The following SOD2 variants were observed in gnomAD, a reference collection of about 807,000 sequenced individuals.
SOD2 encodes superoxide dismutase 2, also known as superoxide dismutase [Mn], mitochondrial.
A neutral mutation model predicts 27.0 loss-of-function variants in SOD2; 11 were observed. The observed-to-expected ratio is 0.41, with a 90% confidence interval of 0.26 to 0.67. The LOEUF (loss-of-function observed/expected upper bound fraction) is 0.67. Among genes scored for constraint, SOD2 ranks in the 30% least tolerant of loss-of-function variants. The pLI, the probability that SOD2 is intolerant of heterozygous loss-of-function variation, is 0.34. For synonymous variants in SOD2, 105 were observed against 103.0 expected, an observed-to-expected ratio of 1.02 and a Z score of -0.12; for missense variants, 250 against 274.5, an observed-to-expected ratio of 0.91 and a Z score of 0.63.
At position 159,692,806 on chromosome 6, in the gene SOD2, G is replaced by A. The variant is rs200407278; in HGVS notation, c.81C>T (p.Ser27=). Residue 27 remains serine, a synonymous_variant, in exon 2 of 5, where the codon AGC becomes AGT. Coordinates refer to ENST00000538183, the MANE Select transcript of SOD2 (RefSeq NM_000636.4). ...CGTAGTCGTAGGGCAGGTCGGGGAG[G>A]CTGTGCTTCTGCCTGGAGCCCAGAT... is the stretch of plus-strand genomic sequence containing the variant. ...LGYLGSRQKH[S]LPDLPYDYGA... 3.5e-5 allele frequency: 56 copies of A among 1,613,948 alleles called. No homozygotes were observed. In the South Asian group the frequency reaches 5.7e-4, roughly 16 times the overall value.
At chr6:159,739,824 C>CTTTTTTTTTTTTTTTTTTTT (rs56389349) in intron 1 of SOD2, among the ~76,000 whole-genome samples, 2 of 85,158 alleles carry the variant, frequency 2.3e-5, no homozygotes, top group Non-Finnish European at 4.4e-5. Flanking sequence ...CACTTTTTAC[C>CTTTTTTTTTTTTTTTTTTTT]TTTTTTTTTT....
In SOD2 at chr6:159,671,304, G is replaced by C. The variant is rs943780383; in HGVS notation, c.*11189C>G. The C allele has an allele frequency of 1.3e-5, 2 of 152,492 alleles. No individual in the cohort carries two copies. The highest frequency in any genetic ancestry group is 4.8e-5 in the African/African-American group (2 of 41,446). 9.4% of individuals were successfully genotyped at this position (152,492 alleles called of 1,614,324 possible). Reference sequence around the variant, plus strand: ...ACGGAGAGACTGCCTCCTCAAGTGAGTCCCTGACCCCCGAGTAGCCTAACT... The same window carrying C: ...ACGGAGAGACTGCCTCCTCAAGTGACTCCCTGACCCCCGAGTAGCCTAACT... On this transcript the variant is annotated 3_prime_UTR_variant, in exon 5 of 5. Coordinates refer to ENST00000538183, the MANE Select transcript of SOD2 (RefSeq NM_000636.4).
In SOD2 at chr6:159,753,508, G is replaced by A. The variant is rs35454664; in HGVS notation, c.-335-4832C>T. 5,806 of 1,614,178 alleles carry A rather than the reference G, an allele frequency of 3.6e-3. 208 individuals are homozygous for A. The African/African-American group carries it at 0.068, about 19-fold the overall frequency. ...CGAAGTGTCGAATGCTTATCCAGGAGAATCAAGAGCTTGGAAGGCAGCTGT... is the reference window on the plus strand; with the variant it reads ...CGAAGTGTCGAATGCTTATCCAGGAAAATCAAGAGCTTGGAAGGCAGCTGT... On this transcript the variant is annotated intron_variant, in intron 1 of 7. Coordinates refer to the SOD2 transcript ENST00000546087.
upstream of SOD2, among the ~76,000 whole-genome samples, chr6:159,731,819 C>T (rs1778588059): frequency 6.6e-6 from 1 of 152,182 alleles, no homozygotes; most frequent in African/African-American, 2.4e-5. Flanking sequence ...GCAAAGTTGA[C>T]AACCTGTTTC....
At chr6:159,716,447 G>C (rs769497398) in intron 1 of SOD2, among the ~76,000 whole-genome samples, 3 of 152,172 alleles carry the variant, frequency 2.0e-5, no homozygotes, top group Non-Finnish European at 2.9e-5. Context: ...GAGACAACAA[G>C]GAAGGGAGGG....
rs1779621832 is a variant in SOD2, at chr6:159,670,046, G to GAA, written c.*12446_*12447insTT. On this transcript the variant is annotated 3_prime_UTR_variant, in exon 5 of 5. Transcript: ENST00000538183. Reference sequence around the variant, plus strand: ...AGACAGGATCTCTTTCACCCAGACTGGAGTGCAGTGTAGACTCACACTGTA... The same window carrying GAA: ...AGACAGGATCTCTTTCACCCAGACTGAAGAGTGCAGTGTAGACTCACACTGTA... 1.3e-5 allele frequency: 2 copies of GAA among 152,230 alleles called. No homozygotes were observed. The highest frequency in any genetic ancestry group is 6.5e-5 in the Admixed American group (1 of 15,282). The allele number at this position is 152,230 out of a possible 1,614,324, so 9.4% of individuals were successfully genotyped here.
chr6:159,701,632 G>T (rs533699675), intron 1 of SOD2, among the ~76,000 whole-genome samples: 1 of 150,004 alleles, frequency 6.7e-6, no homozygotes, highest in African/African-American at 2.5e-5. Context: ...GGAAAAACAA[G>T]CCCATGAAGC....
At chr6:159,689,645 G>C (rs1447494555) in intron 2 of SOD2, among the ~76,000 whole-genome samples, 1 of 152,210 alleles carries the variant, frequency 6.6e-6, no homozygotes, top group Non-Finnish European at 1.5e-5. Flanking sequence ...CTCAACTGCT[G>C]TTCTGAAAGT....
upstream of SOD2, among the ~76,000 whole-genome samples, chr6:159,730,350 C>T (rs890236172): frequency 6.6e-6 from 1 of 151,998 alleles, no homozygotes; most frequent in African/African-American, 2.4e-5. Flanking sequence ...TTTTCTGATA[C>T]GAGAATAGAT....
upstream of SOD2, among the ~76,000 whole-genome samples, chr6:159,729,917 T>G (rs919313936): frequency 6.6e-6 from 1 of 152,334 alleles, no homozygotes; most frequent in Middle Eastern, 3.4e-3. Flanking sequence ...TACTGGGATC[T>G]GGGATGCTAG....
rs1779968285 is a variant in SOD2 at position 159,681,685 on chromosome 6, A to C, written c.*808T>G. 6.6e-6 allele frequency: 1 copy of C among 152,150 alleles called. No homozygotes were observed. Among genetic ancestry groups the C allele is most frequent in the Non-Finnish European group, 1.5e-5 (1 of 68,058 alleles). 9.4% of individuals were successfully genotyped at this position (152,150 alleles called of 1,614,324 possible). A position where few individuals can be genotyped will look rare whatever the true frequency, so the allele number is the denominator to read the frequency against. On this transcript the variant is annotated 3_prime_UTR_variant, in exon 5 of 5. Coordinates refer to ENST00000538183, the MANE Select transcript of SOD2 (RefSeq NM_000636.4). ...TTTGGTATACAGCCATACCACCCTG[A>C]AGGCACCCGATCTCGACTGATTTAC...
At chr6:159,699,441 T>C (rs1777486870) in intron 1 of SOD2, among the ~76,000 whole-genome samples, 1 of 151,998 alleles carries the variant, frequency 6.6e-6, no homozygotes, top group Non-Finnish European at 1.5e-5. Context: ...AAGAGAAGGG[T>C]TGTCCCATAT....
upstream of SOD2, among the ~76,000 whole-genome samples, chr6:159,747,937 G>A (rs935732445): frequency 6.6e-5 from 10 of 152,056 alleles, no homozygotes; most frequent in Non-Finnish European, 1.2e-4. Context: ...CATATTCAAG[G>A]ACTACTACAT....
chr6:159,687,060 G>A (rs1780222631), intron 3 of SOD2, among the ~76,000 whole-genome samples: 1 of 152,194 alleles, frequency 6.6e-6, no homozygotes, highest in Admixed American at 6.5e-5. Context: ...TTAGGAAAGA[G>A]TGAAAAATAG....
intron 1 of SOD2, among the ~76,000 whole-genome samples, chr6:159,738,268 A>G (rs1330110223): frequency 6.6e-6 from 1 of 152,240 alleles, no homozygotes; most frequent in East Asian, 1.9e-4. Context: ...ACCCCTGGCA[A>G]CCACTAATTT....
chr6:159,675,086 G>C lies in SOD2; in HGVS notation c.*7407C>G, dbSNP rs7751229. The C allele has an allele frequency of 1.8e-4, 28 of 151,832 alleles. No homozygotes were observed. The highest frequency in any genetic ancestry group is 2.5e-4 in the Non-Finnish European group (17 of 67,910). 9.4% of individuals were successfully genotyped at this position (151,832 alleles called of 1,614,324 possible). A position where few individuals can be genotyped will look rare whatever the true frequency, so the allele number is the denominator to read the frequency against. On this transcript the variant is annotated 3_prime_UTR_variant, in exon 5 of 5. Transcript: ENST00000538183. Reference sequence around the variant, plus strand: ...AGGAGAACTACAAACCACTGCTCAAGGAAATAAAAGAGGACACAAACAAAT... The same window carrying C: ...AGGAGAACTACAAACCACTGCTCAACGAAATAAAAGAGGACACAAACAAAT...
At position 159,742,073 on chromosome 6, in the gene SOD2, AT is replaced by A. The variant is rs557967659; in HGVS notation, c.-116+3056del. On this transcript the variant is annotated intron_variant, in intron 1 of 3. Coordinates refer to the SOD2 transcript ENST00000537657. ...TTTTATCGTAACAACTAATGTATGG[AT>A]TTTTTTTTATTAGATGGAAACAATA... 2.8e-4 allele frequency: 437 copies of A among 1,557,078 alleles called. No homozygotes were observed. Among genetic ancestry groups the A allele is most frequent in the Admixed American group, 8.8e-4 (48 of 54,712 alleles).
At chr6:159,714,317 C>T (rs755769129) in intron 1 of SOD2, among the ~76,000 whole-genome samples, 2 of 152,136 alleles carry the variant, frequency 1.3e-5, no homozygotes, top group Non-Finnish European at 2.9e-5. Flanking sequence ...ACCCAATGAC[C>T]TTGGACTTCC....
chr6:159,725,322 A>G lies in SOD2; in HGVS notation c.-116+1807T>C, dbSNP rs755199404. 5.8e-4 allele frequency among the ~76,000 whole-genome samples: 88 copies of G among 152,162 alleles called. 1 individual carries two copies. The highest frequency in any genetic ancestry group is 3.1e-4 in the Non-Finnish European group (21 of 68,000). The stretch of plus-strand genomic sequence containing the variant: ...ATGGTGAAATCCCATCTCTATTAAA[A>G]ATACAAAAATCAGCAGGGGATGGTG... On this transcript the variant is annotated intron_variant, in intron 1 of 2. Transcript: ENST00000401980.
Sources: gnomAD v4.1 joint callset for allele counts (sites outside exome capture counted in the v4.1 genomes callset) on GRCh38, gnomAD v4.1.1 for gene constraint, MANE v1.5 for transcripts, NCBI Gene and HGNC (gene_info 2026-07-23, HGNC 2026-07-21) for gene names.